The following MAGI3 variants were observed in gnomAD, a reference collection of about 807,000 sequenced individuals.
MAGI3 encodes the protein membrane associated guanylate kinase, WW and PDZ domain containing 3.
MAGI3 carries 43 observed loss-of-function variants against 121.8 expected under a neutral mutation model. The ratio of observed to expected loss-of-function variants is 0.35; its 90% CI spans 0.28 to 0.46. MAGI3 has a LOEUF of 0.46. MAGI3 is among the 20% of genes least tolerant of loss of function. MAGI3 has a pLI of 1.00. For synonymous variants in MAGI3, 553 were observed against 639.3 expected (o/e 0.86, Z 2.04); for missense variants, 1,547 against 1,797.3 (o/e 0.86, Z 2.52).
chr1:113,416,792 T>G (rs1652475288), intron 1 of MAGI3, among the ~76,000 whole-genome samples: 1 of 151,782 alleles, frequency 6.6e-6, no homozygotes, highest in South Asian at 2.1e-4. Flanking sequence ...AACCTGAGCA[T>G]TAAGACTTAT....
chr1:113,669,981 G>C (rs916760686), intron 16 of MAGI3, among the ~76,000 whole-genome samples: 2 of 102,744 alleles, frequency 1.9e-5, no homozygotes, highest in African/African-American at 3.9e-5. Flanking sequence ...CAATATAAAA[G>C]AGCAACAAAT....
intron 1 of MAGI3, among the ~76,000 whole-genome samples, chr1:113,424,570 A>G (rs1652904466): frequency 6.6e-6 from 1 of 152,206 alleles, no homozygotes; most frequent in Non-Finnish European, 1.5e-5. Flanking sequence ...TGTGATATAT[A>G]ACCTTTTGGG....
intron 1 of MAGI3, 28 bp from the exon 2 acceptor site, chr1:113,549,487 C>CTTTT: frequency 2.6e-6 from 3 of 1,156,848 alleles, no homozygotes; most frequent in Admixed American, 2.2e-5. Flanking sequence ...CATTTATTTT[C>CTTTT]TGTTTTTTTT....
At chr1:113,643,466 T>G (rs757437169) in intron 10 of MAGI3, among the ~76,000 whole-genome samples, 9 of 152,210 alleles carry the variant, frequency 5.9e-5, no homozygotes, top group Non-Finnish European at 8.8e-5. Flanking sequence ...TCACACAGGT[T>G]TGATGTCAGT....
intron 9 of MAGI3, among the ~76,000 whole-genome samples, chr1:113,641,093 A>ATATATGAGATATATAT (rs1652491051): frequency 1.6e-5 from 1 of 61,746 alleles, no homozygotes; most frequent in Non-Finnish European, 3.1e-5. Context: ...GATATATATT[A>ATATATGAGATATATAT]TATATATGAT....
chr1:113,585,800 A>G (rs999304689), intron 4 of MAGI3, among the ~76,000 whole-genome samples: 4 of 152,208 alleles, frequency 2.6e-5, no homozygotes, highest in African/African-American at 7.2e-5. Flanking sequence ...ATTTGGATAA[A>G]TCAATGATAA....
At chr1:113,586,748 C>T (rs1648389101) in intron 4 of MAGI3, among the ~76,000 whole-genome samples, 2 of 152,172 alleles carry the variant, frequency 1.3e-5, no homozygotes. Flanking sequence ...GACCATGAAT[C>T]TTTCCCAATA....
At chr1:113,407,239 T>C (rs910737605) in intron 1 of MAGI3, among the ~76,000 whole-genome samples, 4 of 152,246 alleles carry the variant, frequency 2.6e-5, no homozygotes, top group Admixed American at 2.0e-4. Context: ...ACCCTTTAGT[T>C]TGGATGAAAA....
chr1:113,529,765 A>G (rs1658620590), intron 1 of MAGI3, among the ~76,000 whole-genome samples: 1 of 152,208 alleles, frequency 6.6e-6, no homozygotes, highest in Non-Finnish European at 1.5e-5. Flanking sequence ...AAAACAAAAT[A>G]TAATAATGGG....
At chr1:113,531,817 G>A (rs1433284367) in intron 1 of MAGI3, among the ~76,000 whole-genome samples, 2 of 152,062 alleles carry the variant, frequency 1.3e-5, no homozygotes, top group African/African-American at 4.8e-5. Flanking sequence ...TCCCTTTAAG[G>A]TGGCTTATGC....
chr1:113,673,171 C>A, intron 18 of MAGI3, 151 bp from the exon 19 acceptor site: 1 of 898,208 alleles, frequency 1.1e-6, no homozygotes, highest in Non-Finnish European at 1.6e-6. Context: ...ATTAAGTAGC[C>A]CTTTAACCAA....
chr1:113,482,842 G>A (rs549748052), intron 1 of MAGI3, among the ~76,000 whole-genome samples: 4 of 150,160 alleles, frequency 2.7e-5, no homozygotes, highest in Non-Finnish European at 5.9e-5. Context: ...ATCTCTCTCT[G>A]TTGCCCAGGT....
intron 1 of MAGI3, among the ~76,000 whole-genome samples, chr1:113,412,960 T>A (rs910743828): frequency 6.6e-6 from 1 of 152,258 alleles, no homozygotes; most frequent in East Asian, 1.9e-4. Flanking sequence ...CCCATGCCTA[T>A]GTCCTGAATG....
chr1:113,514,231 T>A (rs1286190576), intron 1 of MAGI3, among the ~76,000 whole-genome samples: 2 of 152,206 alleles, frequency 1.3e-5, no homozygotes, highest in Non-Finnish European at 2.9e-5. Context: ...TCCTCAGGGA[T>A]CTAGAACTAG....
Position 113,684,253 on chromosome 1 carries a change from C to T in MAGI3, c.*239C>T, listed in dbSNP as rs80095204. ...GCTGCATCCACATGCTCATCTGACC[C>T]GCCCTGCTCAGGCTGCCCAGCTCGT... On this transcript the variant is annotated 3_prime_UTR_variant, in exon 21 of 21. Coordinates refer to ENST00000307546, the MANE Select transcript of MAGI3 (RefSeq NM_001142782.2). The T allele has an allele frequency of 0.012, 4,393 of 362,194 alleles. 47 individuals carry two copies. The highest frequency in any genetic ancestry group is 0.018 in the Non-Finnish European group (3,599 of 202,832). 22.4% of individuals were successfully genotyped at this position (362,194 alleles called of 1,614,324 possible).
At chr1:113,408,208 G>A (rs1651793279) in intron 1 of MAGI3, among the ~76,000 whole-genome samples, 1 of 152,066 alleles carries the variant, frequency 6.6e-6, no homozygotes, top group African/African-American at 2.4e-5. Context: ...TTTTTTTGCT[G>A]TATGTTTGTT....
chr1:113,427,582 A>C (rs1220642197), intron 1 of MAGI3, among the ~76,000 whole-genome samples: 2 of 152,172 alleles, frequency 1.3e-5, no homozygotes, highest in East Asian at 3.8e-4. Flanking sequence ...TGTAGAGTAG[A>C]GGGCACATAT....
chr1:113,573,871 T>C (rs1647460421), intron 2 of MAGI3, among the ~76,000 whole-genome samples: 1 of 152,186 alleles, frequency 6.6e-6, no homozygotes, highest in Non-Finnish European at 1.5e-5. Context: ...TGAATCTGGG[T>C]GCTCCTGTAT....
At chr1:113,654,135 T>A in intron 15 of MAGI3, 117 bp downstream of exon 15, 1 of 781,588 alleles carries the variant, frequency 1.3e-6, no homozygotes, top group Non-Finnish European at 2.0e-6. Flanking sequence ...CTTATCTTTT[T>A]AAGAATGGTG....
Sources: allele counts gnomAD v4.1 joint callset (sites outside exome capture counted in the v4.1 genomes callset), GRCh38; gene constraint gnomAD v4.1.1; transcripts MANE v1.5; gene names NCBI Gene and HGNC (gene_info 2026-07-23, HGNC 2026-07-21).